The following ACTN4 variants were observed in gnomAD, a reference collection of about 807,000 sequenced individuals.
The protein encoded by ACTN4 is alpha-actinin-4.
In ACTN4, 18 loss-of-function variants were observed where a neutral mutation model predicts 114.2. The observed-to-expected ratio is 0.16, with a 90% confidence interval of 0.11 to 0.23. The LOEUF (loss-of-function observed/expected upper bound fraction) is 0.23, where lower values mean the gene tolerates loss of function less well. Among genes scored for constraint, ACTN4 ranks in the 10% least tolerant of loss-of-function variants. The pLI is 1.00. For synonymous variants in ACTN4, 515 were observed against 506.3 expected, an observed-to-expected ratio of 1.02 and a Z score of -0.23; for missense variants, 722 against 1,262.9, an observed-to-expected ratio of 0.57 and a Z score of 6.49.
At chr19:38,666,513 A>T (rs1292209977) in intron 1 of ACTN4, among the ~76,000 whole-genome samples, 2 of 152,250 alleles carry the variant, frequency 1.3e-5, no homozygotes, top group African/African-American at 4.8e-5. Context: ...TAACTGCCTG[A>T]GTCAGCTGCA....
Position 38,712,808 on chromosome 19 carries a change from CT to C in ACTN4, c.820-1658del, listed in dbSNP as rs527951500. Among the ~76,000 whole-genome samples the C allele has an allele frequency of 3.9e-5, 6 of 152,306 alleles. No individual in the cohort carries two copies. In the South Asian group the frequency reaches 1.2e-3, roughly 32 times the overall value. ...CACATGGCCTCACCAGATTGCTTTTCTTTCTACCCACACTGCTCCCCTGTGC... is the reference window on the plus strand; with the variant it reads ...CACATGGCCTCACCAGATTGCTTTTCTTCTACCCACACTGCTCCCCTGTGC... On this transcript the variant is annotated intron_variant, in intron 8 of 20. Coordinates refer to ENST00000252699, the MANE Select transcript of ACTN4 (RefSeq NM_004924.6).
At chr19:38,666,183 T>C (rs1334292075) in intron 1 of ACTN4, among the ~76,000 whole-genome samples, 8 of 151,456 alleles carry the variant, frequency 5.3e-5, no homozygotes, top group Non-Finnish European at 1.2e-4. Context: ...CCCCCTTTCC[T>C]GGGGTCACTT....
At chr19:38,676,836 C>T (rs983937022) in intron 1 of ACTN4, among the ~76,000 whole-genome samples, 1 of 152,180 alleles carries the variant, frequency 6.6e-6, no homozygotes, top group Non-Finnish European at 1.5e-5. Context: ...GTTCGAGCAA[C>T]AGCTCCTGGC....
chr19:38,671,426 C>T (rs1227000954), intron 1 of ACTN4, among the ~76,000 whole-genome samples: 1 of 152,134 alleles, frequency 6.6e-6, no homozygotes, highest in Non-Finnish European at 1.5e-5. Context: ...AATGAACTGC[C>T]AGTTCAGAAT....
chr19:38,710,060 C>T (rs1396439738), intron 7 of ACTN4, among the ~76,000 whole-genome samples, 197 bp from the exon 8 acceptor site: 1 of 152,110 alleles, frequency 6.6e-6, no homozygotes, highest in African/African-American at 2.4e-5. Flanking sequence ...TTTTAATCCG[C>T]TTCCCACAGC....
At chr19:38,700,152 T>C (rs1383863227) in intron 1 of ACTN4, among the ~76,000 whole-genome samples, 1 of 152,096 alleles carries the variant, frequency 6.6e-6, no homozygotes, top group Non-Finnish European at 1.5e-5. Context: ...ACAAGCCCCA[T>C]GAGGGCAGGA....
intron 1 of ACTN4, among the ~76,000 whole-genome samples, chr19:38,694,029 C>G (rs34105297): frequency 0.059 from 8,998 of 152,296 alleles, 295 homozygotes; most frequent in South Asian, 0.097. Flanking sequence ...GAAGCCTCCT[C>G]TCTGTGGTTT....
At chr19:38,702,727 C>T (rs1328734892) in intron 3 of ACTN4, among the ~76,000 whole-genome samples, 1 of 152,186 alleles carries the variant, frequency 6.6e-6, no homozygotes, top group East Asian at 1.9e-4. Context: ...CCTCCCCTGT[C>T]TCTGGGCAGC....
At chr19:38,692,237 G>C (rs557034624) in intron 1 of ACTN4, among the ~76,000 whole-genome samples, 1 of 152,230 alleles carries the variant, frequency 6.6e-6, no homozygotes, top group Non-Finnish European at 1.5e-5. Flanking sequence ...GGCACACACA[G>C]TGCACTTGCT....
At chr19:38,671,840 T>A (rs1423017854) in intron 1 of ACTN4, among the ~76,000 whole-genome samples, 1 of 152,258 alleles carries the variant, frequency 6.6e-6, no homozygotes, top group Non-Finnish European at 1.5e-5. Context: ...TTAACTTTTT[T>A]AGGCTCTGTT....
chr19:38,699,225 G>C (rs1484027311), intron 1 of ACTN4, among the ~76,000 whole-genome samples: 1 of 152,214 alleles, frequency 6.6e-6, no homozygotes, highest in East Asian at 1.9e-4. Flanking sequence ...CTTGCAGGGG[G>C]CTGAGTAGCC....
At chr19:38,696,362 C>G (rs1280822294) in intron 1 of ACTN4, among the ~76,000 whole-genome samples, 5 of 152,042 alleles carry the variant, frequency 3.3e-5, no homozygotes, top group Admixed American at 3.3e-4. Context: ...AGGTCGGCTG[C>G]CCACATTCTG....
chr19:38,691,169 A>G (rs1417724234), intron 1 of ACTN4, among the ~76,000 whole-genome samples: 5 of 152,258 alleles, frequency 3.3e-5, no homozygotes, highest in Admixed American at 6.5e-5. Flanking sequence ...TAATTCCAGC[A>G]CTTTGGGAGG....
intron 3 of ACTN4, among the ~76,000 whole-genome samples, chr19:38,704,136 C>A (rs535803756): frequency 9.9e-5 from 15 of 152,204 alleles, no homozygotes; most frequent in Admixed American, 3.3e-4. Flanking sequence ...CATAATAAGA[C>A]CCAGCCTCTA....
intron 1 of ACTN4, among the ~76,000 whole-genome samples, chr19:38,664,066 G>T (rs988467977): frequency 1.3e-5 from 2 of 152,222 alleles, no homozygotes; most frequent in Non-Finnish European, 2.9e-5. Context: ...CGGCCGCCCT[G>T]TATTGAGAAG....
At chr19:38,662,417 A>G (rs902600085) in intron 1 of ACTN4, among the ~76,000 whole-genome samples, 3 of 152,208 alleles carry the variant, frequency 2.0e-5, no homozygotes, top group African/African-American at 7.2e-5. Context: ...GGTAGAGTAT[A>G]ACGGAGCAAA....
intron 3 of ACTN4, 70 bp from the exon 4 acceptor site, chr19:38,704,864 C>A: frequency 6.9e-7 from 1 of 1,442,540 alleles, no homozygotes; most frequent in Non-Finnish European, 9.8e-7. Flanking sequence ...AGGCCACCTT[C>A]AGGTTGGGCG....
intron 1 of ACTN4, among the ~76,000 whole-genome samples, chr19:38,656,773 TAA>T (rs1599759855): frequency 6.6e-6 from 1 of 152,332 alleles, no homozygotes; most frequent in South Asian, 2.1e-4. Flanking sequence ...TTATGTTTTT[TAA>T]AGTTTCCCCC....
chr19:38,658,468 C>T (rs1230815209), intron 1 of ACTN4, among the ~76,000 whole-genome samples: 1 of 152,144 alleles, frequency 6.6e-6, no homozygotes. Context: ...AACAGCAAAT[C>T]CTTTTCTCTC....
Sources: allele counts gnomAD v4.1 joint callset (sites outside exome capture counted in the v4.1 genomes callset), GRCh38; gene constraint gnomAD v4.1.1; transcripts MANE v1.5; gene names NCBI Gene and HGNC (gene_info 2026-07-23, HGNC 2026-07-21).